PRDM2: variants seen among roughly 807,000 people sequenced by gnomAD.
The protein encoded by PRDM2 is PR/SET domain 2, also known as PR domain zinc finger protein 2.
Under a neutral mutation model 130.0 loss-of-function variants are expected in PRDM2, and 30 were observed. That is an observed-to-expected ratio of 0.23 (90% confidence interval 0.17 to 0.31). The LOEUF (loss-of-function observed/expected upper bound fraction) is 0.31, where lower values mean the gene tolerates loss of function less well. PRDM2 is among the 10% of genes least tolerant of loss of function. PRDM2 has a pLI of 1.00. For synonymous variants in PRDM2, 871 were observed against 782.4 expected (o/e 1.11, Z -1.89); for missense variants, 2,011 against 2,108.4 (o/e 0.95, Z 0.90).
chr1:13,804,021 T>C (rs1383342689), intron 8 of PRDM2, among the ~76,000 whole-genome samples: 2 of 152,176 alleles, frequency 1.3e-5, no homozygotes, highest in Non-Finnish European at 2.9e-5. Flanking sequence ...AAATCAGATC[T>C]GGGTGTGAAT....
intron 2 of PRDM2, among the ~76,000 whole-genome samples, chr1:13,718,810 C>T (rs750209932): frequency 1.3e-5 from 2 of 152,084 alleles, no homozygotes; most frequent in South Asian, 2.1e-4. Flanking sequence ...GCTTCATTAA[C>T]GTTCCACACC....
At chr1:13,741,926 T>C in intron 4 of PRDM2, 79 bp from the exon 5 acceptor site, 1 of 1,179,646 alleles carries the variant, frequency 8.5e-7, no homozygotes, top group South Asian at 1.4e-5. Flanking sequence ...AAAAGAATTA[T>C]CCTTAAAAGT....
chr1:13,796,582 C>G (rs1208619163), intron 8 of PRDM2, among the ~76,000 whole-genome samples: 2 of 152,030 alleles, frequency 1.3e-5, no homozygotes, highest in African/African-American at 4.8e-5. Flanking sequence ...ATAGTGAGAC[C>G]CCATCTCTAC....
chr1:13,710,787 C>T (rs912506282), intron 1 of PRDM2, among the ~76,000 whole-genome samples: 1 of 152,104 alleles, frequency 6.6e-6, no homozygotes, highest in Admixed American at 6.5e-5. Flanking sequence ...TTGTTTAGCA[C>T]TTCAAAAAAG....
At position 13,732,009 on chromosome 1, in the gene PRDM2, C is replaced by T. The variant is rs185946139; in HGVS notation, c.128-770C>T. 7.2e-5 allele frequency among the ~76,000 whole-genome samples: 11 copies of T among 152,226 alleles called. No individual in the cohort carries two copies. The East Asian group carries it at 2.1e-3, about 29-fold the overall frequency. On this transcript the variant is annotated intron_variant, in intron 3 of 9. Coordinates refer to ENST00000311066, the MANE Select transcript of PRDM2 (RefSeq NM_001393986.1). ...ACATCCTAGCAGGATAGGACTGGCC[C>T]AGCCTTTACCCCCCATTCTGTATAT... is the stretch of plus-strand genomic sequence containing the variant.
chr1:13,779,919 A>T lies in PRDM2; in HGVS notation c.2124A>T (p.Ala708=). 6.2e-7 allele frequency: 1 copy of T among 1,614,106 alleles called. No individual in the cohort carries two copies. The highest frequency in any genetic ancestry group is 8.5e-7 in the Non-Finnish European group (1 of 1,179,920). Residue 708 remains alanine, a synonymous_variant, in exon 8 of 10, where the codon GCA becomes GCT. Transcript: ENST00000311066. This position sits in a 1 kb window ranked among gnomAD's most constrained non-coding sequence, Gnocchi z 4.9. ...AACTAACTCCTGCAGGGATTTCAGCAACTGAAATAGCTAAATTAGGTCCTG... is the reference window on the plus strand; with the variant it reads ...AACTAACTCCTGCAGGGATTTCAGCTACTGAAATAGCTAAATTAGGTCCTG... ...QDKLTPAGIS[A]TEIAKLGPVC...
intron 1 of PRDM2, among the ~76,000 whole-genome samples, chr1:13,700,928 C>T (rs151143152): frequency 6.6e-6 from 1 of 152,284 alleles, no homozygotes; most frequent in African/African-American, 2.4e-5. Flanking sequence ...ACTAATTTTG[C>T]TAATAAAGCT....
At chr1:13,796,850 A>G (rs1644930380) in intron 8 of PRDM2, among the ~76,000 whole-genome samples, 1 of 152,244 alleles carries the variant, frequency 6.6e-6, no homozygotes, top group South Asian at 2.1e-4. Flanking sequence ...GAGAGTATTA[A>G]GTATAACACA....
chr1:13,775,363 C>T (rs571635765), intron 7 of PRDM2, among the ~76,000 whole-genome samples: 53 of 152,288 alleles, frequency 3.5e-4, no homozygotes, highest in African/African-American at 1.2e-3. Context: ...TTAGAGTTGG[C>T]GTTTTCTGTT....
intron 2 of PRDM2, among the ~76,000 whole-genome samples, chr1:13,716,346 T>C (rs1416240035): frequency 6.6e-6 from 1 of 151,580 alleles, no homozygotes; most frequent in African/African-American, 2.4e-5. Flanking sequence ...ATATACCTAA[T>C]GCTAGATGAC....
chr1:13,804,684 A>G lies in PRDM2; in HGVS notation c.5037-11743A>G, dbSNP rs189941717. ...GCAAAGACACCTTTTAAAATTCCCA[A>G]TGCCTGGGCTGTACCTGAAACCAAC... is the stretch of plus-strand genomic sequence containing the variant. On this transcript the variant is annotated intron_variant, in intron 8 of 9. Coordinates refer to ENST00000311066, the MANE Select transcript of PRDM2 (RefSeq NM_001393986.1). 2.1e-3 allele frequency among the ~76,000 whole-genome samples: 322 copies of G among 152,272 alleles called. 2 individuals carry two copies. The highest frequency in any genetic ancestry group is 7.4e-3 in the African/African-American group (306 of 41,552).
At chr1:13,770,678 CTAAG>C (rs1171266294) in intron 6 of PRDM2, among the ~76,000 whole-genome samples, 1 of 152,046 alleles carries the variant, frequency 6.6e-6, no homozygotes, top group Non-Finnish European at 1.5e-5. Flanking sequence ...AAAGCTCATA[CTAAG>C]TAAGTACTAA....
intron 6 of PRDM2, among the ~76,000 whole-genome samples, chr1:13,750,159 AGT>A (rs1643776526): frequency 6.6e-6 from 1 of 152,184 alleles, no homozygotes; most frequent in Non-Finnish European, 1.5e-5. Context: ...CAAAAGGTAA[AGT>A]GTAGTCACAC....
intron 4 of PRDM2, among the ~76,000 whole-genome samples, chr1:13,736,588 CTGAT>C (rs36115842): frequency 0.17 from 26,390 of 151,604 alleles, 2,872 homozygotes; most frequent in Admixed American, 0.24. Context: ...GTTGACTTGT[CTGAT>C]TATTTCCTTA....
In PRDM2 at chr1:13,804,881, A is replaced by G. The variant is rs569071136; in HGVS notation, c.5037-11546A>G. Among the ~76,000 whole-genome samples, 326 of 152,254 alleles carry G rather than the reference A, an allele frequency of 2.1e-3. 1 individual carries two copies. The highest frequency in any genetic ancestry group is 7.5e-3 in the African/African-American group (310 of 41,544). On this transcript the variant is annotated intron_variant, in intron 8 of 9. Coordinates refer to ENST00000311066, the MANE Select transcript of PRDM2 (RefSeq NM_001393986.1). ...CTTGAGTGGTCAATGCAGCTGCTCT[A>G]TGGGCAAAGGCTCACCCCCACCTGG...
At chr1:13,809,345 G>A (rs1175548661) in intron 8 of PRDM2, among the ~76,000 whole-genome samples, 6 of 152,176 alleles carry the variant, frequency 3.9e-5, no homozygotes, top group African/African-American at 7.2e-5. Context: ...GACTCCAGGC[G>A]AGAGGTGGTC....
Position 13,781,654 on chromosome 1 carries a change from G to A in PRDM2, c.3859G>A (p.Val1287Ile). 6.2e-7 allele frequency: 1 copy of A among 1,613,972 alleles called. No homozygotes were observed. The highest frequency in any genetic ancestry group is 2.2e-5 in the East Asian group (1 of 44,882). Reference sequence around the variant, plus strand: ...TGGAATAAAGACAAAAGATCCAGATGTTCGATTGGGCCTCAATCAGCATTA... The same window carrying A: ...TGGAATAAAGACAAAAGATCCAGATATTCGATTGGGCCTCAATCAGCATTA... Reference protein sequence around the residue: ...ASGIKTKDPDVRLGLNQHYPS... With the variant: ...ASGIKTKDPDIRLGLNQHYPS... The change falls in exon 8 of 10, where the codon GTT (valine) becomes ATT (isoleucine). Residue 1287 changes from valine to isoleucine, a missense_variant. Val to Ile is a conservative substitution (Grantham distance 29, BLOSUM62 3). Coordinates refer to ENST00000311066, the MANE Select transcript of PRDM2 (RefSeq NM_001393986.1). This position sits in a 1 kb window ranked among gnomAD's most constrained non-coding sequence, Gnocchi z 6.1.
intron 4 of PRDM2, among the ~76,000 whole-genome samples, chr1:13,737,070 A>G (rs916020263): frequency 6.6e-6 from 1 of 152,214 alleles, no homozygotes; most frequent in Non-Finnish European, 1.5e-5. Flanking sequence ...CTGATTTCAA[A>G]TTATTTGTAA....
chr1:13,791,901 C>G (rs192959020), intron 8 of PRDM2, among the ~76,000 whole-genome samples: 265 of 152,276 alleles, frequency 1.7e-3, no homozygotes, highest in Non-Finnish European at 3.0e-3. Context: ...AATAGAAATT[C>G]AGGTGGACAT....
Sources: gnomAD v4.1 joint callset for allele counts (sites outside exome capture counted in the v4.1 genomes callset) on GRCh38, gnomAD v4.1.1 for gene constraint, Gnocchi (gnomAD v3.1) non-coding constraint, MANE v1.5 for transcripts, NCBI Gene and HGNC (gene_info 2026-07-23, HGNC 2026-07-21) for gene names.